The following LZTR1 variants were observed in gnomAD, a reference collection of about 807,000 sequenced individuals.
LZTR1 encodes leucine-zipper-like transcriptional regulator 1.
A neutral mutation model predicts 105.7 loss-of-function variants in LZTR1; 260 were observed. The ratio of observed to expected loss-of-function variants is 2.46; its 90% CI spans 2.22 to 2.72. The LOEUF is 2.72. Ranked by LOEUF, LZTR1 falls within the 30% of genes most tolerant of loss-of-function variation. The probability of loss-of-function intolerance (pLI) is 0.00; values close to 1 mark genes in which losing one functional copy is unlikely to be tolerated. For synonymous variants in LZTR1, 490 were observed against 476.4 expected (o/e 1.03, Z -0.37); for missense variants, 1,214 against 1,166.9 (o/e 1.04, Z -0.59).
Position 20,994,113 on chromosome 22 carries a change from C to T in LZTR1, c.1459C>T (p.Gln487Ter). 1.3e-6 allele frequency: 2 copies of T among 1,579,172 alleles called. No individual in the cohort carries two copies. Among genetic ancestry groups the T allele is most frequent in the Non-Finnish European group, 1.7e-6 (2 of 1,160,692 alleles). The change falls in exon 14 of 21, where the codon CAG (glutamine) becomes TAG (stop). Residue 487 changes from glutamine (Q) to a stop codon, truncating the protein, a stop_gained. Transcript: ENST00000646124. LOFTEE classifies it high-confidence loss of function. The stretch of plus-strand genomic sequence containing the variant: ...TCCCTTCTCCCCACAGAAGCTGGAG[C>T]AGGAGGCCGCCCCAGTTCCCAGGGA... ...ARERLAQKLE[Q>*]EAAPVPREAP...
In LZTR1 at chr22:20,997,595, G is replaced by C. The variant is rs1006391767; in HGVS notation, c.*247G>C. On this transcript the variant is annotated 3_prime_UTR_variant, in exon 21 of 21. Coordinates refer to ENST00000646124, the MANE Select transcript of LZTR1 (RefSeq NM_006767.4). ...CCCCTCCTGTCATCACCCTCTCCTG[G>C]TGTAGTGTGGATGCGAGGCCACGGC... is the stretch of plus-strand genomic sequence containing the variant. 5 of 451,084 alleles carry C rather than the reference G, an allele frequency of 1.1e-5. No homozygotes were observed. The highest frequency in any genetic ancestry group is 2.0e-5 in the Non-Finnish European group (5 of 244,280). The allele number at this position is 451,084 out of a possible 1,614,324, so 27.9% of individuals were successfully genotyped here.
rs1189580871 is a variant in LZTR1, at chr22:20,997,236, C to A, written c.2411C>A (p.Ser804Tyr). The change falls in exon 21 of 21, where the codon TCC becomes TAC. Residue 804 changes from serine to tyrosine, a missense_variant. Ser to Tyr is a moderately radical substitution (Grantham distance 144). Coordinates refer to ENST00000646124, the MANE Select transcript of LZTR1 (RefSeq NM_006767.4). ...HIIVHQFTKV[S>Y]KLPTLRSLSQ... ...TCCGGCCTGCTTGCCTTACAGGTCT[C>A]CAAGTTGCCCACCCTGCGGTCGCTG... 1.2e-6 allele frequency: 2 copies of A among 1,611,158 alleles called. No individual in the cohort carries two copies. The highest frequency in any genetic ancestry group is 2.2e-5 in the South Asian group (2 of 91,012).
rs780578255 is a variant in LZTR1, at chr22:20,992,235, G to A, written c.1015G>A (p.Glu339Lys). 3 of 1,613,586 alleles carry A rather than the reference G, an allele frequency of 1.9e-6. No homozygotes were observed. The highest frequency in any genetic ancestry group is 2.5e-6 in the Non-Finnish European group (3 of 1,179,916). ...TCAGGTTGGTGGGGCTGAAGTGCCC[G>A]AGCGAGCCTGTGCTTCCGAGGAGGT... Reference protein sequence around the residue: ...DSEVGGAEVPERACASEEVPT... With the variant: ...DSEVGGAEVPKRACASEEVPT... The change falls in exon 10 of 21, where the codon GAG becomes AAG. Residue 339 changes from glutamate (E) to lysine (K), a missense_variant. Coordinates refer to ENST00000646124, the MANE Select transcript of LZTR1 (RefSeq NM_006767.4).
Position 20,997,373 on chromosome 22 carries a change from G to T in LZTR1, c.*25G>T. ...AGGCCCTGTGGCGCCTGCCCATTGT[G>T]AAGAATCGCCGTGCCTGCCTGCCCT... On this transcript the variant is annotated 3_prime_UTR_variant, in exon 21 of 21. Transcript: ENST00000646124. 2 of 1,548,386 alleles carry T rather than the reference G, an allele frequency of 1.3e-6. No homozygotes were observed. Among genetic ancestry groups the T allele is most frequent in the South Asian group, 1.1e-5 (1 of 89,800 alleles).
chr22:20,996,286 C>T (rs891039625), intron 18 of LZTR1, 174 bp downstream of exon 18: 2 of 707,378 alleles, frequency 2.8e-6, no homozygotes, highest in Non-Finnish European at 4.6e-6. Flanking sequence ...AAGCAGTTGG[C>T]AGCTGGCAAG....
At chr22:20,989,804 AG>A in intron 7 of LZTR1, 122 bp downstream of exon 7, 2 of 959,516 alleles carry the variant, frequency 2.1e-6, no homozygotes, top group Non-Finnish European at 3.2e-6. Context: ...GGTGGGAGGC[AG>A]GGGGAGCCAG....
intron 18 of LZTR1, 23 bp from the exon 19 acceptor site, chr22:20,996,673 T>A: frequency 1.2e-6 from 2 of 1,607,564 alleles, no homozygotes; most frequent in Non-Finnish European, 1.7e-6. Flanking sequence ...CTTCCTTTAG[T>A]CAGCTCCTTA....
At chr22:20,992,628 C>T in intron 10 of LZTR1, 166 bp from the exon 11 acceptor site, 1 of 628,118 alleles carries the variant, frequency 1.6e-6, no homozygotes, top group South Asian at 1.9e-5. Context: ...TACATGGGTA[C>T]CAGGTCCCAC....
rs1319068656 is a variant in LZTR1 at position 20,996,735 on chromosome 22, C to T, written c.2259C>T (p.Asn753=). 22 of 1,613,454 alleles carry T rather than the reference C, an allele frequency of 1.4e-5. No homozygotes were observed. The highest frequency in any genetic ancestry group is 1.8e-5 in the Non-Finnish European group (21 of 1,180,012). Residue 753 remains asparagine (N), a synonymous_variant, in exon 19 of 21, where the codon AAC becomes AAT. Coordinates refer to ENST00000646124, the MANE Select transcript of LZTR1 (RefSeq NM_006767.4). Reference sequence around the variant, plus strand: ...CCCCCTACTACTACGGCTTCTACAACAACCGGCTGCAGGCGTACTGCAAGC... The same window carrying T: ...CCCCCTACTACTACGGCTTCTACAATAACCGGCTGCAGGCGTACTGCAAGC... ...FAAPYYYGFY[N]NRLQAYCKQN... is the part of the protein sequence containing the mutation.
In LZTR1 at chr22:20,985,183, G is replaced by A. The variant is rs938781050; in HGVS notation, c.264-658G>A. 2.0e-5 allele frequency among the ~76,000 whole-genome samples: 3 copies of A among 148,668 alleles called. No individual in the cohort carries two copies. The East Asian group carries it at 6.1e-4, about 30-fold the overall frequency. Reference sequence around the variant, plus strand: ...TCAAGCGATTCTGCCGCAGCCTCCCGAGTAGCTGGGATTACAGGCGCCTGC... The same window carrying A: ...TCAAGCGATTCTGCCGCAGCCTCCCAAGTAGCTGGGATTACAGGCGCCTGC... On this transcript the variant is annotated intron_variant, in intron 2 of 20. Coordinates refer to ENST00000646124, the MANE Select transcript of LZTR1 (RefSeq NM_006767.4).
In LZTR1 at chr22:20,990,403, G is replaced by A; in HGVS notation, c.669G>A (p.Glu223=). The change falls in exon 8 of 21, where the codon GAG becomes GAA. Residue 223 remains glutamate (E), a synonymous_variant. Transcript: ENST00000646124. The part of the protein sequence containing the change: ...TCWEEVAQSG[E]IPPSCCNFPV... ...CCCTGCAGGTGGCCCAGAGTGGCGA[G>A]ATCCCCCCATCTTGCTGCAACTTCC... 1 of 1,614,138 alleles carries A rather than the reference G, an allele frequency of 6.2e-7. No homozygotes were observed. Among genetic ancestry groups the A allele is most frequent in the Non-Finnish European group, 8.5e-7 (1 of 1,180,032 alleles).
At position 20,998,765 on chromosome 22, in the gene LZTR1, AAGTGGAGTGCAGGCTGCAGCGCCC is replaced by A. The variant is rs1163969985; in HGVS notation, c.*1420_*1443del. 1 of 152,010 alleles carries A rather than the reference AAGTGGAGTGCAGGCTGCAGCGCCC, an allele frequency of 6.6e-6. No individual in the cohort carries two copies. The highest frequency in any genetic ancestry group is 1.5e-5 in the Non-Finnish European group (1 of 68,028). The allele number at this position is 152,010 out of a possible 1,614,324, so 9.4% of individuals were successfully genotyped here. ...CTGGGGAGGATATGTCAGCACCTGG[AAGTGGAGTGCAGGCTGCAGCGCCC>A]AGCCATGTGGGCCAGGTGCATTCAC... On this transcript the variant is annotated 3_prime_UTR_variant, in exon 21 of 21. Coordinates refer to ENST00000646124, the MANE Select transcript of LZTR1 (RefSeq NM_006767.4).
At position 20,993,019 on chromosome 22, in the gene LZTR1, G is replaced by A. The variant is rs1042785837; in HGVS notation, c.1260+115G>A. The stretch of plus-strand genomic sequence containing the variant: ...CAGGCCATTGCCAGGGCCACACCTG[G>A]CAGGATGGAAGCCTTGGGAGGAGCC... On this transcript the variant is annotated intron_variant, in intron 11 of 20. Transcript: ENST00000646124. The A allele has an allele frequency of 5.5e-6, 4 of 729,240 alleles. No individual in the cohort carries two copies. In the African/African-American group the frequency reaches 7.2e-5, roughly 13 times the overall value. 45.2% of individuals were successfully genotyped at this position (729,240 alleles called of 1,614,324 possible).
In LZTR1 at chr22:20,998,976, C is replaced by T. The variant is rs1382538974; in HGVS notation, c.*1628C>T. On this transcript the variant is annotated 3_prime_UTR_variant, in exon 21 of 21. Transcript: ENST00000646124. ...CTATGCTGACCCTTGTCACTGAACC[C>T]TGATCTAGACTTATATGAATAAATG... The T allele has an allele frequency of 2.0e-5, 3 of 152,270 alleles. No homozygotes were observed. The highest frequency in any genetic ancestry group is 6.5e-5 in the Admixed American group (1 of 15,288). The allele number at this position is 152,270 out of a possible 1,614,324, so 9.4% of individuals were successfully genotyped here. A position where few individuals can be genotyped will look rare whatever the true frequency, so the allele number is the denominator to read the frequency against.
intron 14 of LZTR1, 74 bp downstream of exon 14, chr22:20,994,343 G>C (rs1026231711): frequency 6.7e-7 from 1 of 1,502,746 alleles, no homozygotes; most frequent in Non-Finnish European, 9.0e-7. Context: ...GGTGGGTGCT[G>C]CCAGCCCTGC....
At chr22:20,983,356 C>G (rs1924269487) in intron 2 of LZTR1, among the ~76,000 whole-genome samples, 1 of 152,214 alleles carries the variant, frequency 6.6e-6, no homozygotes, top group South Asian at 2.1e-4. Flanking sequence ...GTAGATGCAG[C>G]CTTGAAAGAA....
chr22:20,990,209 T>C (rs1440419446), intron 7 of LZTR1, among the ~76,000 whole-genome samples, 177 bp from the exon 8 acceptor site: 1 of 152,176 alleles, frequency 6.6e-6, no homozygotes, highest in Non-Finnish European at 1.5e-5. Context: ...TGTTCACAAC[T>C]GGGCCCCGTG....
rs1471741742 is a variant in LZTR1, at chr22:20,995,090, T to G, written c.1942+64T>G. 13 of 1,541,186 alleles carry G rather than the reference T, an allele frequency of 8.4e-6. No homozygotes were observed. The East Asian group carries it at 1.6e-4, about 19-fold the overall frequency. ...GATGGTGTTCATCTGCGGTAGGAGA[T>G]TGGGAGCCATGGAGAGCACCTGCCA... On this transcript the variant is annotated intron_variant, in intron 16 of 20. Coordinates refer to ENST00000646124, the MANE Select transcript of LZTR1 (RefSeq NM_006767.4).
chr22:20,991,576 G>A, intron 8 of LZTR1, 52 bp from the exon 9 acceptor site: 1 of 1,418,430 alleles, frequency 7.1e-7, no homozygotes. Flanking sequence ...GAGGCCCCGA[G>A]GGTGAGCAGG....
Sources: allele counts gnomAD v4.1 joint callset (sites outside exome capture counted in the v4.1 genomes callset), GRCh38; gene constraint gnomAD v4.1.1; transcripts MANE v1.5; gene names NCBI Gene and HGNC (gene_info 2026-07-23, HGNC 2026-07-21).